Variants in EIF2AK4 observed in about 807,000 individuals in gnomAD.
EIF2AK4 encodes eIF-2-alpha kinase GCN2.
Under a neutral mutation model 211.1 loss-of-function variants are expected in EIF2AK4, and 139 were observed. The observed-to-expected ratio is 0.66, with a 90% confidence interval of 0.57 to 0.76. The LOEUF is 0.76. EIF2AK4 is among the 30% of genes least tolerant of loss of function. The pLI is 0.00. For missense variants in EIF2AK4, 1,664 were observed against 2,043.8 expected, an observed-to-expected ratio of 0.81 and a Z score of 3.58; for synonymous variants, 710 against 751.3, an observed-to-expected ratio of 0.94 and a Z score of 0.90.
At position 40,011,948 on chromosome 15, in the gene EIF2AK4, T is replaced by C. The variant is rs978899636; in HGVS notation, c.3759+602T>C. Among the ~76,000 whole-genome samples the C allele has an allele frequency of 2.6e-5, 4 of 152,224 alleles. No individual in the cohort carries two copies. In the East Asian group the frequency reaches 7.7e-4, roughly 29 times the overall value. ...CTTTGGTACAGTAACCCACACTTAA[T>C]TGAGTAGCTGAACAACAGAATACAA... On this transcript the variant is annotated intron_variant, in intron 27 of 38. Transcript: ENST00000263791.
intron 1 of EIF2AK4, among the ~76,000 whole-genome samples, chr15:39,939,016 A>C (rs1194721606): frequency 3.3e-5 from 5 of 152,170 alleles, no homozygotes; most frequent in African/African-American, 4.8e-5. Flanking sequence ...CAGTATTCAG[A>C]TCTCAATTCA....
intron 23 of EIF2AK4, among the ~76,000 whole-genome samples, chr15:40,004,979 A>G (rs1329053077): frequency 6.6e-6 from 1 of 152,248 alleles, no homozygotes; most frequent in African/African-American, 2.4e-5. Context: ...GTGGATGGAA[A>G]ATACTCAGAA....
intron 33 of EIF2AK4, among the ~76,000 whole-genome samples, chr15:40,028,382 G>T (rs1250406528): frequency 1.3e-5 from 2 of 152,132 alleles, no homozygotes; most frequent in Non-Finnish European, 2.9e-5. Flanking sequence ...TAATTTTTCT[G>T]GCTTACATCA....
At position 39,978,073 on chromosome 15, in the gene EIF2AK4, T is replaced by C; in HGVS notation, c.2250-5T>C. On this transcript the variant is annotated splice_region_variant and splice_polypyrimidine_tract_variant and intron_variant, in intron 12 of 38. Transcript: ENST00000263791. The stretch of plus-strand genomic sequence containing the variant: ...TCCTTTAGTATTTCTGTTTCCCTTT[T>C]TCAGGCCTGCTTCAGATTCTGAAAG... 6.3e-7 allele frequency: 1 copy of C among 1,596,302 alleles called. No homozygotes were observed. Among genetic ancestry groups the C allele is most frequent in the South Asian group, 1.1e-5 (1 of 88,592 alleles).
intron 34 of EIF2AK4, among the ~76,000 whole-genome samples, chr15:40,030,016 C>T (rs1033946030): frequency 6.6e-6 from 1 of 152,168 alleles, no homozygotes; most frequent in Non-Finnish European, 1.5e-5. Flanking sequence ...ATCAGATTTC[C>T]AATTCTTGCA....
At chr15:39,935,479 G>T (rs1249655010) in intron 1 of EIF2AK4, among the ~76,000 whole-genome samples, 1 of 151,992 alleles carries the variant, frequency 6.6e-6, no homozygotes, top group Non-Finnish European at 1.5e-5. Context: ...ACAGGCACAT[G>T]CCACTACACC....
At position 39,953,749 on chromosome 15, in the gene EIF2AK4, G is replaced by A. The variant is rs752668207; in HGVS notation, c.514-155G>A. 2.0e-5 allele frequency among the ~76,000 whole-genome samples: 3 copies of A among 152,214 alleles called. No individual in the cohort carries two copies. In the South Asian group the frequency reaches 6.2e-4, roughly 31 times the overall value. On this transcript the variant is annotated intron_variant, in intron 4 of 38. Transcript: ENST00000263791. ...CGTAAGAACTCTGATAAAACTGATA[G>A]AACTGCAGTTTGTACTAAGATGCTG...
intron 23 of EIF2AK4, among the ~76,000 whole-genome samples, chr15:40,005,221 T>G (rs2035144228): frequency 6.6e-6 from 1 of 152,230 alleles, no homozygotes; most frequent in Admixed American, 6.5e-5. Flanking sequence ...GGAACCAATT[T>G]CTGAGGGACA....
chr15:39,979,164 A>G (rs1375140109), intron 13 of EIF2AK4, among the ~76,000 whole-genome samples: 1 of 152,212 alleles, frequency 6.6e-6, no homozygotes, highest in Non-Finnish European at 1.5e-5. Flanking sequence ...GAGGAAGGGC[A>G]AGGTGACTGT....
At chr15:40,006,973 G>C in intron 23 of EIF2AK4, 43 bp from the exon 24 acceptor site, 1 of 1,472,248 alleles carries the variant, frequency 6.8e-7, no homozygotes, top group South Asian at 1.2e-5. Context: ...TTAACAAAAG[G>C]CACATTTTGA....
At chr15:40,011,600 A>G (rs1288398066) in intron 27 of EIF2AK4, among the ~76,000 whole-genome samples, 1 of 152,196 alleles carries the variant, frequency 6.6e-6, no homozygotes, top group Non-Finnish European at 1.5e-5. Flanking sequence ...TTTCTTGATC[A>G]GCAGATACTT....
At chr15:39,994,045 G>A (rs758840595) in intron 18 of EIF2AK4, among the ~76,000 whole-genome samples, 15 of 152,122 alleles carry the variant, frequency 9.9e-5, no homozygotes, top group Non-Finnish European at 1.3e-4. Flanking sequence ...TGGGTGAAGA[G>A]TATTTGACTG....
intron 18 of EIF2AK4, among the ~76,000 whole-genome samples, chr15:39,995,822 G>T (rs957301610): frequency 1.3e-5 from 2 of 152,140 alleles, no homozygotes; most frequent in East Asian, 3.8e-4. Context: ...GAAGCTGACC[G>T]ACATACCCAT....
At chr15:40,027,202 T>A (rs1022656158) in intron 33 of EIF2AK4, among the ~76,000 whole-genome samples, 1 of 152,232 alleles carries the variant, frequency 6.6e-6, no homozygotes, top group African/African-American at 2.4e-5. Flanking sequence ...TTTAGTACAC[T>A]GTTTTACATT....
intron 11 of EIF2AK4, chr15:39,975,306 T>C (rs1191884976): frequency 6.9e-6 from 1 of 143,932 alleles, no homozygotes; most frequent in East Asian, 2.0e-4. Context: ...TGTGTGTTCT[T>C]GTCACTATTT....
At chr15:39,985,997 C>T in intron 14 of EIF2AK4, 109 bp downstream of exon 14, 1 of 863,208 alleles carries the variant, frequency 1.2e-6, no homozygotes, top group Non-Finnish European at 1.8e-6. Flanking sequence ...CTTATTGCCA[C>T]TACCAAAGAT....
intron 6 of EIF2AK4, among the ~76,000 whole-genome samples, chr15:39,958,768 C>G (rs2034426798): frequency 6.6e-6 from 1 of 152,140 alleles, no homozygotes; most frequent in South Asian, 2.1e-4. Flanking sequence ...CCCTGTGTCT[C>G]AGATAAGATC....
At chr15:39,990,951 G>A (rs867342363) in intron 16 of EIF2AK4, among the ~76,000 whole-genome samples, 1 of 152,228 alleles carries the variant, frequency 6.6e-6, no homozygotes, top group African/African-American at 2.4e-5. Flanking sequence ...CCAGCATACT[G>A]TCTGACTGGT....
At chr15:39,955,162 C>T (rs2034372589) in intron 5 of EIF2AK4, among the ~76,000 whole-genome samples, 1 of 152,206 alleles carries the variant, frequency 6.6e-6, no homozygotes, top group African/African-American at 2.4e-5. Flanking sequence ...TGTTCATCTC[C>T]TGTTACTCTT....
Sources: gnomAD v4.1 joint callset for allele counts (sites outside exome capture counted in the v4.1 genomes callset) on GRCh38, gnomAD v4.1.1 for gene constraint, MANE v1.5 for transcripts, NCBI Gene and HGNC (gene_info 2026-07-23, HGNC 2026-07-21) for gene names.